Variants in ATAD2B observed in about 807,000 individuals in gnomAD.
ATAD2B encodes the protein ATPase family AAA domain containing 2B, also known as ATPase family AAA domain-containing protein 2B.
ATAD2B carries 40 observed loss-of-function variants against 167.6 expected under a neutral mutation model. The ratio of observed to expected loss-of-function variants is 0.24; its 90% CI spans 0.19 to 0.31. The LOEUF is 0.31. Ranked by LOEUF, ATAD2B falls within the 10% of genes least tolerant of loss-of-function variation. ATAD2B has a pLI of 1.00. For synonymous variants in ATAD2B, 579 were observed against 596.5 expected, an observed-to-expected ratio of 0.97 and a Z score of 0.43; for missense variants, 1,242 against 1,757.2, an observed-to-expected ratio of 0.71 and a Z score of 5.24.
chr2:23,844,492 T>C (rs1691425105), intron 13 of ATAD2B, among the ~76,000 whole-genome samples: 1 of 120,744 alleles, frequency 8.3e-6, no homozygotes, highest in South Asian at 2.8e-4. Context: ...AAATACAATA[T>C]TAGAATTGCC....
At chr2:23,759,751 A>G (rs558804630) in intron 24 of ATAD2B, among the ~76,000 whole-genome samples, 93 of 152,316 alleles carry the variant, frequency 6.1e-4, no homozygotes, top group Admixed American at 9.8e-4. Flanking sequence ...GGTAATTAGC[A>G]TAGAGAAGAA....
rs376039629 is a variant in ATAD2B at position 23,926,678 on chromosome 2, C to T, written c.93G>A (p.Ala31=). The T allele has an allele frequency of 5.7e-3, 8,896 of 1,555,246 alleles. 46 individuals carry two copies. Among genetic ancestry groups the T allele is most frequent in the Middle Eastern group, 0.024 (142 of 5,866 alleles). ...AGATGAAATGGCTGCTGCCTCCGGT[C>T]GCCCCAGGCTCTGCTCCGGCCCCAG... ...PGPGAGAEPG[A]TGGSSHFISS... Residue 31 remains alanine, a synonymous_variant, in exon 1 of 28, where the codon GCG becomes GCA. Transcript: ENST00000238789.
the ATAD2B span, among the ~76,000 whole-genome samples, chr2:23,733,002 C>T: frequency 1.3e-5 from 2 of 152,112 alleles, no homozygotes; most frequent in African/African-American, 2.4e-5. Context: ...ATTCATAGGG[C>T]CGATATCAAA....
chr2:23,823,983 T>C (rs1216557720), intron 15 of ATAD2B, among the ~76,000 whole-genome samples: 15 of 152,114 alleles, frequency 9.9e-5, no homozygotes, highest in Non-Finnish European at 2.9e-5. Flanking sequence ...TCTCACTCTG[T>C]TGCCCAGCCA....
At chr2:23,837,206 A>G (rs1558633124) in intron 13 of ATAD2B, among the ~76,000 whole-genome samples, 1 of 152,228 alleles carries the variant, frequency 6.6e-6, no homozygotes. Context: ...AAGAGTGCGC[A>G]CAACCAGCCA....
chr2:23,878,527 C>G (rs1697385891), intron 7 of ATAD2B, among the ~76,000 whole-genome samples: 1 of 151,102 alleles, frequency 6.6e-6, no homozygotes, highest in South Asian at 2.1e-4. Context: ...GGCGTGGTGG[C>G]AGGCGCCTGT....
chr2:23,853,192 G>A lies in ATAD2B; in HGVS notation c.1568+4223C>T, dbSNP rs149391691. On this transcript the variant is annotated intron_variant, in intron 13 of 27. Transcript: ENST00000238789. ...ACAGCCAATGAAGGAAACAGGCAGT[G>A]ATTTCCATTATCACCATTACTATTT... Among the ~76,000 whole-genome samples, 806 of 152,216 alleles carry A rather than the reference G, an allele frequency of 5.3e-3. 3 individuals are homozygous for A. Among genetic ancestry groups the A allele is most frequent in the Middle Eastern group, 0.01 (3 of 294 alleles).
rs900110716 is a variant in ATAD2B at position 23,915,661 on chromosome 2, A to G, written c.216+10894T>C. ...GGCTAGAGTACAGTGGCGCGATCTC[A>G]GCTCACTGCAGCCTCCTCCTCCTGG... On this transcript the variant is annotated intron_variant, in intron 1 of 27. Coordinates refer to ENST00000238789, the MANE Select transcript of ATAD2B (RefSeq NM_017552.4). 8.3e-5 allele frequency among the ~76,000 whole-genome samples: 11 copies of G among 131,918 alleles called. No individual in the cohort carries two copies. The East Asian group carries it at 2.5e-3, about 29-fold the overall frequency. 86.5% of individuals were successfully genotyped at this position (131,918 alleles called of 152,430 possible).
the ATAD2B span, among the ~76,000 whole-genome samples, chr2:23,700,584 A>G: frequency 2.0e-5 from 3 of 152,242 alleles, no homozygotes; most frequent in African/African-American, 7.2e-5. This position sits in a 1 kb window ranked among gnomAD's most constrained non-coding sequence, Gnocchi z 4.6. Context: ...ACAAACCATG[A>G]CGTTTTCCCT....
chr2:23,759,627 T>G (rs908505407), intron 24 of ATAD2B, among the ~76,000 whole-genome samples: 1 of 152,226 alleles, frequency 6.6e-6, no homozygotes, highest in African/African-American at 2.4e-5. Flanking sequence ...AAAATTCAGG[T>G]TATTGAGTCA....
chr2:23,843,971 C>T (rs533423468), intron 13 of ATAD2B, among the ~76,000 whole-genome samples: 1 of 152,286 alleles, frequency 6.6e-6, no homozygotes, highest in East Asian at 1.9e-4. Flanking sequence ...CAGAGTCTCA[C>T]TCTGTCACCC....
intron 1 of ATAD2B, among the ~76,000 whole-genome samples, chr2:23,920,255 CA>C (rs941790354): frequency 2.6e-5 from 4 of 151,686 alleles, no homozygotes; most frequent in African/African-American, 7.3e-5. Context: ...AAACAACACA[CA>C]AAAAAAAGAG....
chr2:23,703,489 C>T, the ATAD2B span: 4 of 1,112,076 alleles, frequency 3.6e-6, no homozygotes, highest in Non-Finnish European at 5.0e-6. Context: ...GCTCTGCAGA[C>T]CCAGATCTAG....
intron 1 of ATAD2B, among the ~76,000 whole-genome samples, chr2:23,903,252 A>C (rs1016445602): frequency 6.6e-6 from 1 of 151,602 alleles, no homozygotes; most frequent in Non-Finnish European, 1.5e-5. Flanking sequence ...AAATAAATAA[A>C]TAAATAAATA....
intron 1 of ATAD2B, among the ~76,000 whole-genome samples, chr2:23,909,803 A>G (rs1186706957): frequency 6.6e-6 from 1 of 152,126 alleles, no homozygotes; most frequent in African/African-American, 2.4e-5. Context: ...TAAGAATAAA[A>G]TATTTTTCCA....
intron 19 of ATAD2B, among the ~76,000 whole-genome samples, chr2:23,794,066 G>A (rs1434497158): frequency 6.6e-6 from 1 of 152,282 alleles, no homozygotes; most frequent in East Asian, 1.9e-4. Flanking sequence ...AGGCTGGAGT[G>A]CAGTGACACG....
intron 8 of ATAD2B, among the ~76,000 whole-genome samples, chr2:23,870,025 T>C (rs1326914583): frequency 6.6e-5 from 10 of 151,814 alleles, no homozygotes; most frequent in African/African-American, 2.4e-5. Context: ...CTGGCCAACA[T>C]GGTGAAACTC....
At chr2:23,876,030 T>TAA in intron 7 of ATAD2B, 126 bp from the exon 8 acceptor site, 1 of 699,974 alleles carries the variant, frequency 1.4e-6, no homozygotes, top group South Asian at 1.8e-5. Context: ...AGTCTTGCTC[T>TAA]AACGCCAGGC....
At chr2:23,756,342 A>G (rs1675948281) in intron 25 of ATAD2B, among the ~76,000 whole-genome samples, 1 of 152,158 alleles carries the variant, frequency 6.6e-6, no homozygotes, top group Admixed American at 6.5e-5. Flanking sequence ...TAGACTTTGA[A>G]TAATATTTTC....
Sources: gnomAD v4.1 joint callset for allele counts (sites outside exome capture counted in the v4.1 genomes callset) on GRCh38, gnomAD v4.1.1 for gene constraint, Gnocchi (gnomAD v3.1) non-coding constraint, MANE v1.5 for transcripts, NCBI Gene and HGNC (gene_info 2026-07-23, HGNC 2026-07-21) for gene names.